The following POMGNT1 variants were observed in gnomAD, a reference collection of about 807,000 sequenced individuals.
The protein encoded by POMGNT1 is protein O-linked-mannose beta-1,2-N-acetylglucosaminyltransferase 1.
A neutral mutation model predicts 95.6 loss-of-function variants in POMGNT1; 67 were observed. The ratio of observed to expected loss-of-function variants is 0.70; its 90% CI spans 0.58 to 0.86. The LOEUF is 0.86. Among genes scored for constraint, POMGNT1 ranks in the 40% least tolerant of loss-of-function variants. POMGNT1 has a pLI of 0.00. For missense variants in POMGNT1, 719 were observed against 855.2 expected (o/e 0.84, Z 1.99); for synonymous variants, 298 against 317.9 (o/e 0.94, Z 0.66).
Position 46,192,405 on chromosome 1 carries a change from A to T in POMGNT1, c.1316T>A (p.Leu439Gln). The change falls in exon 16 of 22, where the codon CTA becomes CAA. Residue 439 changes from leucine (L) to glutamine (Q), a missense_variant. Leu to Gln is a moderately radical substitution (Grantham distance 113). Around this residue, in one of 5 missense-constraint regions of POMGNT1, gnomAD observed 118 missense variants for 153.6 expected, o/e 0.77. Coordinates refer to ENST00000371984, the MANE Select transcript of POMGNT1 (RefSeq NM_017739.4). ...AGGCATGGTCTCCACACGGTACAGT[A>T]GTGCTGGGTCCTCAGCCGTGTGTTC... Reference protein sequence around the residue: ...GYEHTAEDPALLYRVETMPGL... With the variant: ...GYEHTAEDPAQLYRVETMPGL... 6.2e-7 allele frequency: 1 copy of T among 1,614,186 alleles called. No homozygotes were observed. The highest frequency in any genetic ancestry group is 8.5e-7 in the Non-Finnish European group (1 of 1,180,032).
At chr1:46,190,390 C>G (rs1172162413) in intron 19 of POMGNT1, 83 bp downstream of exon 19, 5 of 1,496,500 alleles carry the variant, frequency 3.3e-6, no homozygotes, top group African/African-American at 1.4e-5. Context: ...TCATTTTGCA[C>G]AGGACCCTGT....
At chr1:46,194,998 T>C (rs1658116244) in intron 6 of POMGNT1, 37 bp from the exon 7 acceptor site, 1 of 1,599,624 alleles carries the variant, frequency 6.3e-7, no homozygotes, top group African/African-American at 1.3e-5. Flanking sequence ...CTGACTGGCA[T>C]GGTTCCAGGA....
rs1362557622 is a variant in POMGNT1, at chr1:46,194,603, C to T, written c.701G>A (p.Trp234Ter). The T allele has an allele frequency of 6.2e-7, 1 of 1,614,090 alleles. No homozygotes were observed. The highest frequency in any genetic ancestry group is 8.5e-7 in the Non-Finnish European group (1 of 1,180,036). ...KHSKSPALSSWGDPVLLKTDV... is the reference protein window; with the variant it reads ...KHSKSPALSS ...TGTCTTCAGCAGGACTGGGTCCCCCCAGGAAGAGAGGGCAGGTGATTTAGA... is the reference window on the plus strand; with the variant it reads ...TGTCTTCAGCAGGACTGGGTCCCCCTAGGAAGAGAGGGCAGGTGATTTAGA... The change falls in exon 8 of 22, where the codon TGG becomes TAG. Residue 234 changes from tryptophan (W) to a stop codon, truncating the protein, a stop_gained. Coordinates refer to ENST00000371984, the MANE Select transcript of POMGNT1 (RefSeq NM_017739.4). LOFTEE classifies it high-confidence loss of function.
chr1:46,194,513 C>G, intron 8 of POMGNT1, 40 bp downstream of exon 8: 1 of 1,614,164 alleles, frequency 6.2e-7, no homozygotes, highest in Non-Finnish European at 8.5e-7. Context: ...TGCCCACCCC[C>G]AGCCCAGGCC....
chr1:46,207,740 A>G (rs892692892), intron 1 of POMGNT1, among the ~76,000 whole-genome samples: 5 of 150,838 alleles, frequency 3.3e-5, no homozygotes, highest in Admixed American at 3.3e-4. Context: ...GGGTTTCACC[A>G]TGTTAGCCAG....
chr1:46,193,838 C>T lies in POMGNT1; in HGVS notation c.950+17G>A. The T allele has an allele frequency of 6.2e-7, 1 of 1,613,692 alleles. No individual in the cohort carries two copies. The highest frequency in any genetic ancestry group is 1.1e-5 in the South Asian group (1 of 90,912). ...CCCTCCTGTTCAGTGCTGGGTATAG[C>T]CCATTCCCAGGCTTACCTGTACAGG... On this transcript the variant is annotated intron_variant, in intron 10 of 21. Transcript: ENST00000371984.
chr1:46,197,216 A>G (rs961232744), intron 2 of POMGNT1, 132 bp from the exon 3 acceptor site: 2 of 1,583,552 alleles, frequency 1.3e-6, no homozygotes, highest in Non-Finnish European at 1.7e-6. Flanking sequence ...CTGTCTGCCT[A>G]GCTCTACTCC....
At chr1:46,191,303 C>A (rs868852689) in intron 17 of POMGNT1, 8 of 203,918 alleles carry the variant, frequency 3.9e-5, no homozygotes, top group South Asian at 9.0e-5. Flanking sequence ...TTCCTTTGGG[C>A]TGGGCTGGCT....
chr1:46,188,684 C>G lies in POMGNT1; in HGVS notation c.*586G>C. ...ACAAAATCACAATCACAAGACATCC[C>G]CAGAGGGCTTCTCCTTTTTTAATCA... is the stretch of plus-strand genomic sequence containing the variant. On this transcript the variant is annotated 3_prime_UTR_variant, in exon 22 of 22. Transcript: ENST00000371984. The G allele has an allele frequency of 1.3e-6, 2 of 1,591,594 alleles. No homozygotes were observed. The highest frequency in any genetic ancestry group is 1.1e-5 in the South Asian group (1 of 88,842).
chr1:46,189,715 G>A (rs1657600376), intron 20 of POMGNT1, 139 bp downstream of exon 20: 1 of 1,551,674 alleles, frequency 6.4e-7, no homozygotes, highest in East Asian at 2.3e-5. Flanking sequence ...ATTTGGACAA[G>A]GAGGTTGGAA....
In POMGNT1 at chr1:46,203,580, G is replaced by A. The variant is rs771110165; in HGVS notation, c.-50-5709C>T. 7 of 1,581,614 alleles carry A rather than the reference G, an allele frequency of 4.4e-6. 1 individual carries two copies. In the South Asian group the frequency reaches 8.1e-5, roughly 18 times the overall value. Reference sequence around the variant, plus strand: ...GCTGCTCCCAGGGGCGTCTAGCACCGGCCACGACTTGGGGGACAAGATCAT... The same window carrying A: ...GCTGCTCCCAGGGGCGTCTAGCACCAGCCACGACTTGGGGGACAAGATCAT... On this transcript the variant is annotated intron_variant, in intron 1 of 22. Transcript: ENST00000371992.
At chr1:46,208,485 G>C (rs1408928049) in intron 1 of POMGNT1, among the ~76,000 whole-genome samples, 1 of 152,114 alleles carries the variant, frequency 6.6e-6, no homozygotes, top group African/African-American at 2.4e-5. Flanking sequence ...AGACTTCCTC[G>C]AGGAGGTGAC....
At position 46,189,026 on chromosome 1, in the gene POMGNT1, C is replaced by T. The variant is rs781694733; in HGVS notation, c.*244G>A. 8.3e-6 allele frequency: 13 copies of T among 1,575,012 alleles called. No homozygotes were observed. The highest frequency in any genetic ancestry group is 6.8e-5 in the African/African-American group (5 of 73,894). The stretch of plus-strand genomic sequence containing the variant: ...AAGGGCAGGATGAGCTGCTAGGGAT[C>T]GTAATGATTCCCAGGTACTCTCCTG... On this transcript the variant is annotated 3_prime_UTR_variant, in exon 22 of 22. Coordinates refer to ENST00000371984, the MANE Select transcript of POMGNT1 (RefSeq NM_017739.4).
At chr1:46,194,459 C>T (rs1658053585) in intron 8 of POMGNT1, 58 bp from the exon 9 acceptor site, 1 of 1,614,024 alleles carries the variant, frequency 6.2e-7, no homozygotes, top group Admixed American at 1.7e-5. Context: ...TGAAGAGCCC[C>T]AGGCACACAA....
Position 46,195,983 on chromosome 1 carries a change from C to G in POMGNT1, c.420+29G>C, listed in dbSNP as rs377763679. Reference sequence around the variant, plus strand: ...CATCAGCAAGAGCCCAGCTCCAGCCCTCTGGGTCACCCACCCCTAGAAACT... The same window carrying G: ...CATCAGCAAGAGCCCAGCTCCAGCCGTCTGGGTCACCCACCCCTAGAAACT... On this transcript the variant is annotated intron_variant, in intron 5 of 21. Coordinates refer to ENST00000371984, the MANE Select transcript of POMGNT1 (RefSeq NM_017739.4). 11 of 1,614,008 alleles carry G rather than the reference C, an allele frequency of 6.8e-6. No individual in the cohort carries two copies. The African/African-American group carries it at 1.5e-4, about 22-fold the overall frequency.
At chr1:46,194,506 C>T in intron 8 of POMGNT1, 47 bp downstream of exon 8, 1 of 1,614,154 alleles carries the variant, frequency 6.2e-7, no homozygotes. Context: ...ATCTAAATGC[C>T]CACCCCCAGC....
intron 1 of POMGNT1, among the ~76,000 whole-genome samples, chr1:46,214,935 A>C (rs1421979894): frequency 6.6e-6 from 1 of 150,518 alleles, no homozygotes; most frequent in African/African-American, 2.4e-5. Flanking sequence ...GCAAGTATAG[A>C]AATAGATGTG....
At chr1:46,197,989 C>T in intron 1 of POMGNT1, 118 bp from the exon 2 acceptor site, 2 of 1,026,646 alleles carry the variant, frequency 1.9e-6, no homozygotes, top group Non-Finnish European at 2.8e-6. Flanking sequence ...TACTGTGTGA[C>T]ATGGGGAAAG....
intron 21 of POMGNT1, 33 bp from the exon 22 acceptor site, chr1:46,189,390 A>T: frequency 3.1e-6 from 5 of 1,614,066 alleles, no homozygotes; most frequent in Non-Finnish European, 4.2e-6. Context: ...TATAGAGAAG[A>T]AGCCATTAGC....
Sources: gnomAD v4.1 joint callset for allele counts (sites outside exome capture counted in the v4.1 genomes callset) on GRCh38, gnomAD v4.1.1 for gene constraint, gnomAD v4.1.1 regional missense constraint, MANE v1.5 for transcripts, NCBI Gene and HGNC (gene_info 2026-07-23, HGNC 2026-07-21) for gene names.